The following CD83 variants were observed in gnomAD, a reference collection of about 807,000 sequenced individuals.
The protein encoded by CD83 is CD83 molecule.
In CD83, 22 loss-of-function variants were observed where a neutral mutation model predicts 24.6. The observed-to-expected ratio is 0.90, with a 90% CI of 0.64 to 1.28. The LOEUF is 1.28. Among genes scored for constraint, CD83 ranks in the 50% most tolerant of loss-of-function variants. The probability of loss-of-function intolerance (pLI) is 0.00; values close to 1 mark genes in which losing one functional copy is unlikely to be tolerated. For synonymous variants in CD83, 101 were observed against 103.5 expected (o/e 0.98, Z 0.14); for missense variants, 253 against 252.8 (o/e 1.00, Z -0.01).
At position 14,135,324 on chromosome 6, in the gene CD83, G is replaced by A. The variant is rs116099300; in HGVS notation, c.*88G>A. The stretch of plus-strand genomic sequence containing the variant: ...CTGGAGGAGAGAAGAATGAGCCTAC[G>A]CTGAAGATGGCATCCTGTGAAGTCC... On this transcript the variant is annotated 3_prime_UTR_variant, in exon 5 of 5. Transcript: ENST00000379153. 39 of 1,383,998 alleles carry A rather than the reference G, an allele frequency of 2.8e-5. No homozygotes were observed. In the African/African-American group the frequency reaches 4.2e-4, roughly 15 times the overall value. The allele number at this position is 1,383,998 out of a possible 1,614,324, so 85.7% of individuals were successfully genotyped here. A position where few individuals can be genotyped will look rare whatever the true frequency, so the allele number is the denominator to read the frequency against.
chr6:14,124,199 A>G (rs1426049802), intron 2 of CD83, among the ~76,000 whole-genome samples: 1 of 152,208 alleles, frequency 6.6e-6, no homozygotes, highest in African/African-American at 2.4e-5. Flanking sequence ...TGGGAGCCCA[A>G]GGCTTGTTAA....
At chr6:14,128,372 C>T (rs774927192) in intron 2 of CD83, among the ~76,000 whole-genome samples, 3 of 152,180 alleles carry the variant, frequency 2.0e-5, no homozygotes, top group African/African-American at 4.8e-5. Context: ...AAAACTACCA[C>T]GCCTTTTGCA....
chr6:14,135,135 C>A lies in CD83; in HGVS notation c.517C>A (p.Pro173Thr). 1 of 1,614,114 alleles carries A rather than the reference C, an allele frequency of 6.2e-7. No individual in the cohort carries two copies. Among genetic ancestry groups the A allele is most frequent in the Non-Finnish European group, 8.5e-7 (1 of 1,179,996 alleles). The change falls in exon 5 of 5, where the codon CCA becomes ACA. Residue 173 changes from proline (P) to threonine (T), a missense_variant. Transcript: ENST00000379153. Reference protein sequence around the residue: ...CKFARLQSIFPDFSKAGMERA... With the variant: ...CKFARLQSIFTDFSKAGMERA... ...GTTTGCACGGCTACAGAGTATCTTC[C>A]CAGATTTTTCTAAAGCTGGCATGGA...
chr6:14,117,946 G>A lies in CD83; in HGVS notation c.38-4G>A, dbSNP rs769547541. On this transcript the variant is annotated splice_region_variant and splice_polypyrimidine_tract_variant and intron_variant, in intron 1 of 4. Coordinates refer to ENST00000379153, the MANE Select transcript of CD83 (RefSeq NM_004233.4). The surrounding 1 kb of genome is among the most constrained non-coding windows in gnomAD (Gnocchi z 4.6). ...GCTCACGACGCGCTCTCTCTTTCTT[G>A]TAGCCTACAGCCTGGCTCCCGCGAC... is the stretch of plus-strand genomic sequence containing the variant. 2 of 1,605,554 alleles carry A rather than the reference G, an allele frequency of 1.2e-6. No individual in the cohort carries two copies. Among genetic ancestry groups the A allele is most frequent in the East Asian group, 2.3e-5 (1 of 44,416 alleles).
In CD83 at chr6:14,118,037, A is replaced by C; in HGVS notation, c.125A>C (p.Gln42Pro). ...DLPCTAPWDP[Q>P]VPYTVSWVKL... is the part of the protein sequence containing the mutation. ...CCCTGCACCGCCCCCTGGGATCCGC[A>C]GGTTCCCTACACGGTCTCCTGGGTC... The change falls in exon 2 of 5, where the codon CAG becomes CCG. Residue 42 changes from glutamine to proline, a missense_variant. Gln to Pro is a moderately conservative substitution (Grantham distance 76). Coordinates refer to ENST00000379153, the MANE Select transcript of CD83 (RefSeq NM_004233.4). The C allele has an allele frequency of 6.2e-7, 1 of 1,609,604 alleles. No individual in the cohort carries two copies. The highest frequency in any genetic ancestry group is 1.1e-5 in the South Asian group (1 of 90,498).
intron 2 of CD83, among the ~76,000 whole-genome samples, chr6:14,118,316 T>A (rs1759591189): frequency 6.7e-6 from 1 of 148,414 alleles, no homozygotes. Flanking sequence ...TGGCCTGAGA[T>A]GAATGATCCA....
Position 14,117,997 on chromosome 6 carries a change from G to C in CD83, c.85G>C (p.Glu29Gln), listed in dbSNP as rs1247260118. 2.5e-6 allele frequency: 4 copies of C among 1,611,448 alleles called. No homozygotes were observed. The highest frequency in any genetic ancestry group is 3.4e-6 in the Non-Finnish European group (4 of 1,179,410). The change falls in exon 2 of 5, where the codon GAA becomes CAA. Residue 29 changes from glutamate (E) to glutamine (Q), a missense_variant. Glu to Gln is a conservative substitution (Grantham distance 29). Transcript: ENST00000379153. The surrounding 1 kb of genome is among the most constrained non-coding windows in gnomAD (Gnocchi z 4.6). ...ATPEVKVACS[E>Q]DVDLPCTAPW... ...GCCGGAGGTGAAGGTGGCTTGCTCC[G>C]AAGATGTGGACTTGCCCTGCACCGC... is the stretch of plus-strand genomic sequence containing the variant.
At chr6:14,122,596 A>C (rs1759693754) in intron 2 of CD83, among the ~76,000 whole-genome samples, 1 of 152,186 alleles carries the variant, frequency 6.6e-6, no homozygotes, top group South Asian at 2.1e-4. Context: ...TTCTACATTA[A>C]ATGTAGAACC....
At chr6:14,127,129 C>T (rs1338308225) in intron 2 of CD83, among the ~76,000 whole-genome samples, 1 of 152,072 alleles carries the variant, frequency 6.6e-6, no homozygotes, top group African/African-American at 2.4e-5. Context: ...GCTGGAATTA[C>T]AGATGTCCAC....
In CD83 at chr6:14,132,662, CT is replaced by C. The variant is rs1380696176; in HGVS notation, c.382+915del. ...TGCTGAGTGTAGTGCCCGGGATAGA[CT>C]GAATGACCAATACATATTAGGGACC... On this transcript the variant is annotated intron_variant, in intron 3 of 4. Coordinates refer to ENST00000379153, the MANE Select transcript of CD83 (RefSeq NM_004233.4). 2.6e-5 allele frequency among the ~76,000 whole-genome samples: 4 copies of C among 152,254 alleles called. No homozygotes were observed. In the East Asian group the frequency reaches 7.7e-4, roughly 29 times the overall value.
upstream of CD83, chr6:14,117,770 C>T (rs1759566747): frequency 7.2e-7 from 1 of 1,396,482 alleles, no homozygotes; most frequent in Non-Finnish European, 9.3e-7. The surrounding 1 kb of genome is among the most constrained non-coding windows in gnomAD (Gnocchi z 4.6). Context: ...CGCCCGCGCG[C>T]CACAGCTCTG....
chr6:14,123,094 G>GTT (rs1308632148), intron 2 of CD83, among the ~76,000 whole-genome samples: 2 of 149,958 alleles, frequency 1.3e-5, no homozygotes, highest in South Asian at 2.1e-4. Flanking sequence ...TTGTTTGTTT[G>GTT]TTTTTGTTTT....
intron 2 of CD83, among the ~76,000 whole-genome samples, chr6:14,127,845 T>C (rs1425057936): frequency 6.6e-6 from 1 of 152,194 alleles, no homozygotes; most frequent in Non-Finnish European, 1.5e-5. Flanking sequence ...GTACAACATG[T>C]GGATTTTTAA....
intron 2 of CD83, among the ~76,000 whole-genome samples, chr6:14,124,164 G>A (rs982248393): frequency 6.6e-6 from 1 of 152,198 alleles, no homozygotes; most frequent in Non-Finnish European, 1.5e-5. Context: ...ATTTCCGTGT[G>A]TGTCATGTGG....
At chr6:14,118,866 C>G (rs1485030383) in intron 2 of CD83, among the ~76,000 whole-genome samples, 1 of 152,248 alleles carries the variant, frequency 6.6e-6, no homozygotes, top group Non-Finnish European at 1.5e-5. Flanking sequence ...AGTCAGGCCA[C>G]TGCTACCACA....
chr6:14,133,803 G>T, intron 4 of CD83, 48 bp downstream of exon 4: 1 of 1,228,006 alleles, frequency 8.1e-7, no homozygotes, highest in Non-Finnish European at 1.2e-6. Flanking sequence ...ATTACCCAGG[G>T]CACCAATCCA....
intron 2 of CD83, among the ~76,000 whole-genome samples, chr6:14,118,611 T>C (rs1203225057): frequency 6.6e-6 from 1 of 152,198 alleles, no homozygotes; most frequent in Non-Finnish European, 1.5e-5. Context: ...TGGGATACCC[T>C]TGGCTTCCTC....
At chr6:14,130,572 A>G (rs1192664862) in intron 2 of CD83, among the ~76,000 whole-genome samples, 1 of 152,164 alleles carries the variant, frequency 6.6e-6, no homozygotes, top group Non-Finnish European at 1.5e-5. Flanking sequence ...AAAAACAAAC[A>G]AATAAAAATT....
intron 2 of CD83, among the ~76,000 whole-genome samples, chr6:14,122,931 G>A (rs761844086): frequency 6.6e-6 from 1 of 152,236 alleles, no homozygotes; most frequent in Non-Finnish European, 1.5e-5. Flanking sequence ...GAGGTAACCA[G>A]TGATGTAGAA....
Sources: allele counts gnomAD v4.1 joint callset (sites outside exome capture counted in the v4.1 genomes callset), GRCh38; gene constraint gnomAD v4.1.1; non-coding constraint Gnocchi (gnomAD v3.1); transcripts MANE v1.5; gene names NCBI Gene and HGNC (gene_info 2026-07-23, HGNC 2026-07-21).